Variants in MYH3 observed in about 807,000 individuals in gnomAD.
The protein encoded by MYH3 is myosin heavy chain 3.
Under a neutral mutation model 238.0 loss-of-function variants are expected in MYH3, and 130 were observed. The ratio of observed to expected loss-of-function variants is 0.55; its 90% CI spans 0.47 to 0.63. The LOEUF is 0.63. Ranked by LOEUF, MYH3 falls within the 30% of genes least tolerant of loss-of-function variation. MYH3 has a pLI of 0.00. For missense variants in MYH3, 1,853 were observed against 2,374.9 expected (o/e 0.78, Z 4.57); for synonymous variants, 880 against 924.1 (o/e 0.95, Z 0.86).
At chr17:10,639,238 C>T in intron 24 of MYH3, 49 bp from the exon 25 acceptor site, 2 of 1,614,052 alleles carry the variant, frequency 1.2e-6, no homozygotes, top group Non-Finnish European at 1.7e-6. Context: ...TGCAAGAGGA[C>T]CCTTGAGGGC....
intron 31 of MYH3, among the ~76,000 whole-genome samples, chr17:10,634,629 C>T (rs538471216): frequency 4.6e-5 from 7 of 152,278 alleles, no homozygotes; most frequent in Admixed American, 1.3e-4. Context: ...TTTGTTTCCA[C>T]GGACAACATT....
rs372871080 is a variant in MYH3, at chr17:10,652,413, C to T, written c.348+7G>A. Reference sequence around the variant, plus strand: ...CCAGGGAAACCACGTCGAAAGCCCTCGCTGACATAGATCATCCAAGATGTG... The same window carrying T: ...CCAGGGAAACCACGTCGAAAGCCCTTGCTGACATAGATCATCCAAGATGTG... On this transcript the variant is annotated splice_region_variant and intron_variant, in intron 4 of 40. Transcript: ENST00000583535. 15 of 1,613,736 alleles carry T rather than the reference C, an allele frequency of 9.3e-6. No individual in the cohort carries two copies. Among genetic ancestry groups the T allele is most frequent in the African/African-American group, 1.3e-5 (1 of 74,890 alleles).
chr17:10,632,927 A>C, intron 33 of MYH3, 143 bp from the exon 34 acceptor site: 48 of 951,902 alleles, frequency 5.0e-5, no homozygotes, highest in Middle Eastern at 3.1e-4. Context: ...ATGTCCCCAA[A>C]TTGGCCGGGT....
the MYH3 span, chr17:10,675,520 A>G: frequency 2.0e-5 from 3 of 152,156 alleles, no homozygotes; most frequent in African/African-American, 7.2e-5. Flanking sequence ...TCAAAGTTTA[A>G]TATGTTTTTA....
At chr17:10,659,120 G>A (rs1233833491), upstream of MYH3, 2 of 152,258 alleles carry the variant, frequency 1.3e-5, no homozygotes, top group South Asian at 2.1e-4. Context: ...GAGGAACTGT[G>A]TGGAAATGAA....
At chr17:10,647,155 G>A (rs1312630062) in intron 10 of MYH3, 27 bp downstream of exon 10, 1 of 1,564,168 alleles carries the variant, frequency 6.4e-7, no homozygotes, top group Admixed American at 1.7e-5. Context: ...CTACCTAAAA[G>A]ACCAGCCCCA....
chr17:10,635,665 C>T (rs548047227), intron 29 of MYH3, 70 bp downstream of exon 29: 1 of 1,612,814 alleles, frequency 6.2e-7, no homozygotes. Context: ...AATGAAGTTG[C>T]CTTTTATTTT....
chr17:10,630,446 C>T lies in MYH3; in HGVS notation c.5299G>A (p.Ala1767Thr), dbSNP rs773612935. The change falls in exon 37 of 41, where the codon GCG becomes ACG. Residue 1767 changes from alanine to threonine, a missense_variant. Ala to Thr is a moderately conservative substitution (Grantham distance 58). This residue lies in a region of MYH3 where 1,044 missense variants were observed against 1,192.6 expected (regional missense o/e 0.88). Transcript: ENST00000583535. Reference sequence around the variant, plus strand: ...TCCTGCTCCTTCTTCAGCTCCTCCGCCATCATGGCAGCCTGAAAAGCACAT... The same window carrying T: ...TCCTGCTCCTTCTTCAGCTCCTCCGTCATCATGGCAGCCTGAAAAGCACAT... ...KKAITDAAMM[A>T]EELKKEQDTS... is the part of the protein sequence containing the mutation. 4 of 1,614,208 alleles carry T rather than the reference C, an allele frequency of 2.5e-6. No individual in the cohort carries two copies. Among genetic ancestry groups the T allele is most frequent in the Non-Finnish European group, 3.4e-6 (4 of 1,180,040 alleles).
the MYH3 span, among the ~76,000 whole-genome samples, chr17:10,670,803 C>A: frequency 2.0e-5 from 3 of 152,172 alleles, no homozygotes; most frequent in African/African-American, 7.2e-5. This position sits in a 1 kb window ranked among gnomAD's most constrained non-coding sequence, Gnocchi z 7.0. Flanking sequence ...CTTTTCAGAT[C>A]ATTAAATATT....
At chr17:10,633,324 G>A (rs1186206820) in intron 33 of MYH3, among the ~76,000 whole-genome samples, 2 of 152,178 alleles carry the variant, frequency 1.3e-5, no homozygotes, top group Non-Finnish European at 2.9e-5. Flanking sequence ...GGAGCATAAA[G>A]CACTTTCTAG....
Position 10,644,674 on chromosome 17 carries a change from G to A in MYH3, c.1170C>T (p.Gly390=), listed in dbSNP as rs1255090468. ...EVADKTAYLM[G]LNSSDLLKAL... Reference sequence around the variant, plus strand: ...CTTTTAGGAGGTCCGAAGAGTTCAGGCCCATCAGATAGGCTGTTTTGTCAG... The same window carrying A: ...CTTTTAGGAGGTCCGAAGAGTTCAGACCCATCAGATAGGCTGTTTTGTCAG... The change falls in exon 13 of 41, where the codon GGC becomes GGT. Residue 390 remains glycine (G), a synonymous_variant. Coordinates refer to ENST00000583535, the MANE Select transcript of MYH3 (RefSeq NM_002470.4). 1 of 1,613,812 alleles carries A rather than the reference G, an allele frequency of 6.2e-7. No homozygotes were observed. Among genetic ancestry groups the A allele is most frequent in the African/African-American group, 1.3e-5 (1 of 74,928 alleles).
intron 40 of MYH3, 101 bp downstream of exon 40, chr17:10,629,496 G>A: frequency 2.7e-6 from 4 of 1,496,430 alleles, no homozygotes; most frequent in Non-Finnish European, 2.7e-6. Flanking sequence ...TCCTGAGCCT[G>A]AGACTCCCCA....
chr17:10,669,942 A>G, the MYH3 span, among the ~76,000 whole-genome samples: 1 of 152,090 alleles, frequency 6.6e-6, no homozygotes. Context: ...ATAAAAAATC[A>G]TCTTCAGCTC....
chr17:10,671,135 C>T, the MYH3 span, among the ~76,000 whole-genome samples: 1 of 152,146 alleles, frequency 6.6e-6, no homozygotes. Context: ...CTCAGGTGAT[C>T]CGCCCGCCTT....
chr17:10,651,876 TG>T, intron 4 of MYH3: 1 of 636,052 alleles, frequency 1.6e-6, no homozygotes, highest in South Asian at 2.0e-5. Flanking sequence ...CCCGAGTAGC[TG>T]GGACTACAGG....
At chr17:10,662,790 T>C in the MYH3 span, among the ~76,000 whole-genome samples, 1 of 152,144 alleles carries the variant, frequency 6.6e-6, no homozygotes, top group African/African-American at 2.4e-5. Context: ...TTTTCGGTAA[T>C]ATAAACATTA....
Position 10,645,858 on chromosome 17 carries a change from G to A in MYH3, c.1003-13C>T. ...TGTCAATGGCGCTCTGGCATGGAAA[G>A]GGCAGCACGTCAGTCAGTTGGCCCC... On this transcript the variant is annotated splice_polypyrimidine_tract_variant and intron_variant, in intron 11 of 40. Coordinates refer to ENST00000583535, the MANE Select transcript of MYH3 (RefSeq NM_002470.4). 1 of 1,613,962 alleles carries A rather than the reference G, an allele frequency of 6.2e-7. No homozygotes were observed. Among genetic ancestry groups the A allele is most frequent in the Non-Finnish European group, 8.5e-7 (1 of 1,180,016 alleles).
chr17:10,641,512 T>A, intron 17 of MYH3, 140 bp from the exon 18 acceptor site: 1 of 63,170 alleles, frequency 1.6e-5, no homozygotes, highest in Non-Finnish European at 5.9e-5. Context: ...CTCTGTCTTT[T>A]TTTTTTTTTT....
chr17:10,632,788 T>C lies in MYH3; in HGVS notation c.4648-4A>G. 1 of 1,614,206 alleles carries C rather than the reference T, an allele frequency of 6.2e-7. No homozygotes were observed. Among genetic ancestry groups the C allele is most frequent in the Non-Finnish European group, 8.5e-7 (1 of 1,180,020 alleles). ...CTTCTTCATGCTCAAGAGCAGCCTT[T>C]AAGAAACAAAAGCAAATCAAATAGT... is the stretch of plus-strand genomic sequence containing the variant. On this transcript the variant is annotated splice_region_variant and splice_polypyrimidine_tract_variant and intron_variant, in intron 33 of 40. Transcript: ENST00000583535.
Sources: gnomAD v4.1 joint callset for allele counts (sites outside exome capture counted in the v4.1 genomes callset) on GRCh38, gnomAD v4.1.1 for gene constraint, gnomAD v4.1.1 regional missense constraint, Gnocchi (gnomAD v3.1) non-coding constraint, MANE v1.5 for transcripts, NCBI Gene and HGNC (gene_info 2026-07-23, HGNC 2026-07-21) for gene names.